AGBL4: variants seen among roughly 807,000 people sequenced by gnomAD.
AGBL4 encodes AGBL carboxypeptidase 4, also known as cytosolic carboxypeptidase 6.
Under a neutral mutation model 66.4 loss-of-function variants are expected in AGBL4, and 58 were observed. That is an observed-to-expected ratio of 0.87 (90% CI 0.71 to 1.09). AGBL4 has a LOEUF of 1.09. AGBL4 is among the 50% of genes least tolerant of loss of function. The pLI, the probability that AGBL4 is intolerant of heterozygous loss-of-function variation, is 0.00. For missense variants in AGBL4, 579 were observed against 631.0 expected (o/e 0.92, Z 0.88); for synonymous variants, 234 against 222.9 (o/e 1.05, Z -0.44).
At chr1:49,816,079 G>T (rs948082487) in intron 2 of AGBL4, among the ~76,000 whole-genome samples, 1 of 151,978 alleles carries the variant, frequency 6.6e-6, no homozygotes, top group Non-Finnish European at 1.5e-5. Flanking sequence ...AAGAGATGGG[G>T]TCTTGCTATG....
chr1:49,726,922 T>A lies in AGBL4; in HGVS notation c.158-29485A>T, dbSNP rs543654746. Among the ~76,000 whole-genome samples the A allele has an allele frequency of 1.6e-3, 251 of 152,246 alleles. 2 individuals are homozygous for A. The highest frequency in any genetic ancestry group is 6.8e-3 in the Middle Eastern group (2 of 294). On this transcript the variant is annotated intron_variant, in intron 2 of 13. Transcript: ENST00000371839. ...AGACCTCTCTATTTGCAATTTTTTT[T>A]AAACAAAAACTCTTGAGTAAGCCTC...
chr1:49,988,412 A>G (rs1659681459), intron 1 of AGBL4, among the ~76,000 whole-genome samples: 1 of 152,096 alleles, frequency 6.6e-6, no homozygotes, highest in Admixed American at 6.6e-5. Context: ...CAGTCGTTTT[A>G]TTTTCCCTAT....
intron 3 of AGBL4, among the ~76,000 whole-genome samples, chr1:49,263,608 CA>C (rs1202580273): frequency 2.3e-4 from 35 of 151,850 alleles, no homozygotes; most frequent in Admixed American, 2.3e-3. Context: ...ATCATATCAG[CA>C]AAAAAGTAAA....
chr1:49,749,611 C>T (rs1255108072), intron 2 of AGBL4, among the ~76,000 whole-genome samples: 2 of 152,002 alleles, frequency 1.3e-5, no homozygotes, highest in East Asian at 1.9e-4. Flanking sequence ...AGCAATGGCA[C>T]TATCATCAAA....
chr1:49,386,542 T>G (rs1644741177), intron 3 of AGBL4, among the ~76,000 whole-genome samples: 1 of 151,952 alleles, frequency 6.6e-6, no homozygotes, highest in South Asian at 2.1e-4. Context: ...GAATTAATTG[T>G]GTTTTGGGGG....
At chr1:49,046,901 C>T (rs763695086) in intron 4 of AGBL4, among the ~76,000 whole-genome samples, 1 of 152,150 alleles carries the variant, frequency 6.6e-6, no homozygotes, top group Non-Finnish European at 1.5e-5. Flanking sequence ...CCTGTAGTGG[C>T]TTGGCATTCA....
intron 3 of AGBL4, among the ~76,000 whole-genome samples, chr1:49,499,720 CATATAT>C (rs151053487): frequency 2.8e-5 from 4 of 145,396 alleles, no homozygotes; most frequent in African/African-American, 5.0e-5. Context: ...GAATGGTATT[CATATAT>C]ATATATATAT....
At position 49,688,411 on chromosome 1, in the gene AGBL4, C is replaced by T. The variant is rs77919906; in HGVS notation, c.282+8902G>A. 8.0e-3 allele frequency among the ~76,000 whole-genome samples: 1,218 copies of T among 152,294 alleles called. 9 individuals are homozygous for T. Among genetic ancestry groups the T allele is most frequent in the Middle Eastern group, 0.031 (9 of 294 alleles). ...CATGTTGTTGCCAATGAAAGGATCT[C>T]GTTCTTTTTTATGGCTGAATAGTAC... is the stretch of plus-strand genomic sequence containing the variant. On this transcript the variant is annotated intron_variant, in intron 3 of 13. Coordinates refer to ENST00000371839, the MANE Select transcript of AGBL4 (RefSeq NM_032785.4).
intron 6 of AGBL4, among the ~76,000 whole-genome samples, chr1:48,786,039 G>T (rs966049679): frequency 1.3e-5 from 2 of 151,766 alleles, no homozygotes; most frequent in Admixed American, 6.6e-5. Context: ...ACAACTCTAG[G>T]TTACCATTCT....
intron 5 of AGBL4, among the ~76,000 whole-genome samples, chr1:48,996,339 T>C (rs1313948475): frequency 6.6e-6 from 1 of 152,200 alleles, no homozygotes; most frequent in African/African-American, 2.4e-5. Context: ...GATTGAATTA[T>C]GTGGAAAATG....
chr1:48,975,728 G>A (rs1659280494), intron 5 of AGBL4, among the ~76,000 whole-genome samples: 1 of 152,120 alleles, frequency 6.6e-6, no homozygotes, highest in Non-Finnish European at 1.5e-5. Flanking sequence ...CAAGTAAGTT[G>A]CATGAACAGG....
At chr1:49,531,149 A>C (rs1651112517) in intron 3 of AGBL4, among the ~76,000 whole-genome samples, 1 of 152,070 alleles carries the variant, frequency 6.6e-6, no homozygotes, top group African/African-American at 2.4e-5. Context: ...TTGGAGAGTG[A>C]CTTCACAGGA....
chr1:49,395,861 A>G (rs1644962036), intron 3 of AGBL4, among the ~76,000 whole-genome samples: 1 of 139,052 alleles, frequency 7.2e-6, no homozygotes, highest in African/African-American at 2.8e-5. Flanking sequence ...ACACATAAAT[A>G]TATATATATA....
Position 48,760,016 on chromosome 1 carries a change from G to T in AGBL4, c.635-96775C>A, listed in dbSNP as rs191068348. The stretch of plus-strand genomic sequence containing the variant: ...ACAGGTGAGAAAACTGAGGGTCAGA[G>T]AGTTCAGGGAAGGACTACACTTAGG... On this transcript the variant is annotated intron_variant, in intron 6 of 13. Transcript: ENST00000371839. Among the ~76,000 whole-genome samples, 478 of 152,282 alleles carry T rather than the reference G, an allele frequency of 3.1e-3. 2 individuals carry two copies. Among genetic ancestry groups the T allele is most frequent in the African/African-American group, 0.01 (426 of 41,554 alleles).
intron 2 of AGBL4, among the ~76,000 whole-genome samples, chr1:49,793,141 C>G (rs1644644020): frequency 6.6e-6 from 1 of 152,000 alleles, no homozygotes; most frequent in Admixed American, 6.6e-5. Flanking sequence ...TATGGACTAT[C>G]TCCCACACAA....
At chr1:49,816,773 G>T (rs1488043624) in intron 2 of AGBL4, among the ~76,000 whole-genome samples, 3 of 152,128 alleles carry the variant, frequency 2.0e-5, no homozygotes, top group African/African-American at 7.2e-5. Context: ...AAGACTAATT[G>T]GCAGCATCTC....
chr1:49,540,893 TA>T (rs1440386683), intron 3 of AGBL4, among the ~76,000 whole-genome samples: 2 of 152,166 alleles, frequency 1.3e-5, no homozygotes, highest in African/African-American at 4.8e-5. Context: ...TTTTTCTTAT[TA>T]GAGTAATGTT....
At chr1:49,068,171 T>C (rs1426975824) in intron 4 of AGBL4, among the ~76,000 whole-genome samples, 1 of 152,206 alleles carries the variant, frequency 6.6e-6, no homozygotes, top group East Asian at 1.9e-4. Flanking sequence ...ATTTTTATAG[T>C]AATAATATCT....
chr1:49,903,050 T>C (rs997518123), intron 1 of AGBL4, among the ~76,000 whole-genome samples: 1 of 152,152 alleles, frequency 6.6e-6, no homozygotes, highest in African/African-American at 2.4e-5. Flanking sequence ...ACATGTATGT[T>C]CATGGAAACA....
Sources: allele counts gnomAD v4.1 joint callset (sites outside exome capture counted in the v4.1 genomes callset), GRCh38; gene constraint gnomAD v4.1.1; transcripts MANE v1.5; gene names NCBI Gene and HGNC (gene_info 2026-07-23, HGNC 2026-07-21).